The following CHIC1 variants were observed in gnomAD, a reference collection of about 807,000 sequenced individuals.
CHIC1 encodes cysteine-rich hydrophobic domain-containing protein 1.
A neutral mutation model predicts 18.5 loss-of-function variants in CHIC1; 7 were observed. The observed-to-expected ratio is 0.38, with a 90% CI of 0.22 to 0.71. CHIC1 has a LOEUF of 0.71. Ranked by LOEUF, CHIC1 falls within the 30% of genes least tolerant of loss-of-function variation. The pLI is 0.49. For synonymous variants in CHIC1, 77 were observed against 73.5 expected (o/e 1.05, Z -0.25); for missense variants, 159 against 176.9 (o/e 0.90, Z 0.57).
Position 73,580,395 on chromosome X carries a change from G to A in CHIC1, c.351+2934G>A, listed in dbSNP as rs181741784. On this transcript the variant is annotated intron_variant, in intron 2 of 5. Coordinates refer to ENST00000373502, the MANE Select transcript of CHIC1 (RefSeq NM_001039840.4). ...ATGTATAGTGTACAAAATCTATCAT[G>A]TGTTGGATAAGGCATAAATTATAAC... is the stretch of plus-strand genomic sequence containing the variant. Among the ~76,000 whole-genome samples the A allele has an allele frequency of 7.2e-4, 80 of 111,046 alleles. 1 individual carries two copies. The East Asian group carries it at 0.021, about 30-fold the overall frequency.
At chrX:73,582,534 A>G (rs1205653934) in intron 2 of CHIC1, among the ~76,000 whole-genome samples, 1 of 110,168 alleles carries the variant, frequency 9.1e-6, no homozygotes, top group Non-Finnish European at 1.9e-5. Context: ...GATTATAAAC[A>G]AATTATCCTT....
At chrX:73,577,998 G>A (rs1775127083) in intron 2 of CHIC1, among the ~76,000 whole-genome samples, 1 of 109,005 alleles carries the variant, frequency 9.2e-6, no homozygotes, top group African/African-American at 3.3e-5. Context: ...AGATTTACTA[G>A]GATTCAAAAC....
intron 3 of CHIC1, among the ~76,000 whole-genome samples, chrX:73,588,353 G>T (rs1369785919): frequency 9.0e-6 from 1 of 110,673 alleles, no homozygotes; most frequent in Non-Finnish European, 1.9e-5. Context: ...CATTTTATAT[G>T]ATATGTACTC....
At chrX:73,670,196 C>T (rs2059739653) in intron 3 of CHIC1, among the ~76,000 whole-genome samples, 1 of 110,964 alleles carries the variant, frequency 9.0e-6, no homozygotes, top group African/African-American at 3.3e-5. Flanking sequence ...CCCAGGTGGG[C>T]CATTGCCCCA....
chrX:73,603,922 T>C lies in CHIC1; in HGVS notation c.507+19350T>C, dbSNP rs900124715. ...GTTTGCCAGTATTTTATTGAGGATT[T>C]TCGCATCAATGTTCATCAGGTATAT... On this transcript the variant is annotated intron_variant, in intron 3 of 5. Coordinates refer to ENST00000373502, the MANE Select transcript of CHIC1 (RefSeq NM_001039840.4). 1.5e-4 allele frequency among the ~76,000 whole-genome samples: 16 copies of C among 109,133 alleles called. 2 individuals are homozygous for C. Among genetic ancestry groups the C allele is most frequent in the African/African-American group, 5.0e-4 (14 of 28,113 alleles). 94.8% of individuals were successfully genotyped at this position (109,133 alleles called of 115,157 possible). A position where few individuals can be genotyped will look rare whatever the true frequency, so the allele number is the denominator to read the frequency against.
intron 2 of CHIC1, among the ~76,000 whole-genome samples, chrX:73,578,283 G>T (rs764645531): frequency 2.2e-4 from 24 of 110,590 alleles, no homozygotes; most frequent in Non-Finnish European, 4.0e-4. Context: ...AACTTTCTGT[G>T]CCCAAAGGAG....
intron 3 of CHIC1, among the ~76,000 whole-genome samples, chrX:73,598,600 C>T (rs191378093): frequency 0.01 from 1,096 of 105,977 alleles, 6 homozygotes; most frequent in African/African-American, 0.033. Flanking sequence ...TTTGTTCTTG[C>T]GATAGTTTAC....
chrX:73,671,912 C>T (rs2058032840), intron 3 of CHIC1, among the ~76,000 whole-genome samples: 1 of 110,287 alleles, frequency 9.1e-6, no homozygotes, highest in South Asian at 3.9e-4. Flanking sequence ...TAATGCTATC[C>T]CTCCCCGCTC....
At chrX:73,663,891 T>C (rs901246239) in intron 3 of CHIC1, among the ~76,000 whole-genome samples, 2 of 111,598 alleles carry the variant, frequency 1.8e-5, no homozygotes, top group Non-Finnish European at 3.8e-5. Context: ...ACCTTGATAA[T>C]CACTACCCCG....
rs899745847 is a variant in CHIC1 at position 73,665,368 on chromosome X, A to T, written c.508-13958A>T. Reference sequence around the variant, plus strand: ...CTGGGACCCATTGCCCTTGTACATGATGTTCTTGAAGATTTCTCTTCACTT... The same window carrying T: ...CTGGGACCCATTGCCCTTGTACATGTTGTTCTTGAAGATTTCTCTTCACTT... On this transcript the variant is annotated intron_variant, in intron 3 of 5. Coordinates refer to ENST00000373502, the MANE Select transcript of CHIC1 (RefSeq NM_001039840.4). Among the ~76,000 whole-genome samples the T allele has an allele frequency of 2.7e-5, 3 of 110,787 alleles. No homozygotes were observed. The Admixed American group carries it at 2.9e-4, about 11-fold the overall frequency.
intron 2 of CHIC1, among the ~76,000 whole-genome samples, chrX:73,581,781 C>T (rs2057528695): frequency 9.1e-6 from 1 of 110,166 alleles, no homozygotes; most frequent in South Asian, 3.8e-4. Flanking sequence ...AAATTGAGAC[C>T]ATTATATGTT....
chrX:73,577,985 C>T, intron 2 of CHIC1, among the ~76,000 whole-genome samples: 2 of 109,002 alleles, frequency 1.8e-5, no homozygotes, highest in Middle Eastern at 4.7e-3. Context: ...CTAGTAAATT[C>T]AAAGATTTAC....
chrX:73,569,714 T>C (rs1308853508), intron 1 of CHIC1, among the ~76,000 whole-genome samples: 1 of 111,579 alleles, frequency 9.0e-6, no homozygotes, highest in Non-Finnish European at 1.9e-5. Context: ...AAGTGAAATG[T>C]ACCTAAAGTT....
Position 73,584,530 on chromosome X carries a change from A to T in CHIC1, c.465A>T (p.Thr155=). ...GTGGTTGTCTCTGCTGCTGTTGCAC[A>T]CTGGGTTGCAGCCTATGGCCTGTTA... ...LLCGCLCCCC[T]LGCSLWPVIC... The change falls in exon 3 of 6, where the codon ACA becomes ACT. Residue 155 remains threonine, a synonymous_variant. Coordinates refer to ENST00000373502, the MANE Select transcript of CHIC1 (RefSeq NM_001039840.4). 2 of 1,165,376 alleles carry T rather than the reference A, an allele frequency of 1.7e-6. No individual in the cohort carries two copies. Among genetic ancestry groups the T allele is most frequent in the Non-Finnish European group, 2.3e-6 (2 of 871,209 alleles).
intron 2 of CHIC1, among the ~76,000 whole-genome samples, chrX:73,580,357 T>TAGG (rs1603340227): frequency 9.0e-6 from 1 of 111,067 alleles, no homozygotes; most frequent in Admixed American, 9.6e-5. Flanking sequence ...ACTTGAGTAT[T>TAGG]TAAGTGTACA....
chrX:73,649,636 C>T (rs2057905961), intron 3 of CHIC1, among the ~76,000 whole-genome samples: 1 of 111,967 alleles, frequency 8.9e-6, no homozygotes, highest in Non-Finnish European at 1.9e-5. Flanking sequence ...ACAAGAAGAG[C>T]TAACTATCCT....
At chrX:73,641,490 C>A (rs755670462) in intron 3 of CHIC1, among the ~76,000 whole-genome samples, 8 of 111,025 alleles carry the variant, frequency 7.2e-5, no homozygotes, top group Non-Finnish European at 1.5e-4. Context: ...CCGTTCCACT[C>A]TCTACTTTTA....
At position 73,652,708 on chromosome X, in the gene CHIC1, A is replaced by C. The variant is rs148565371; in HGVS notation, c.508-26618A>C. On this transcript the variant is annotated intron_variant, in intron 3 of 5. Transcript: ENST00000373502. ...TCATCTCATGCCAGTCAGAATGGCA[A>C]TTATTAAAAAGTCAATAAACAACAG... is the stretch of plus-strand genomic sequence containing the variant. Among the ~76,000 whole-genome samples, 986 of 112,454 alleles carry C rather than the reference A, an allele frequency of 8.8e-3. 5 individuals are homozygous for C. The highest frequency in any genetic ancestry group is 0.015 in the Non-Finnish European group (795 of 53,281).
intron 1 of CHIC1, among the ~76,000 whole-genome samples, chrX:73,576,794 G>A (rs971510443): frequency 9.0e-6 from 1 of 110,873 alleles, no homozygotes; most frequent in African/African-American, 3.2e-5. Flanking sequence ...TCTTAATGCA[G>A]ATTTCACTGA....
Sources: gnomAD v4.1 joint callset for allele counts (sites outside exome capture counted in the v4.1 genomes callset) on GRCh38, gnomAD v4.1.1 for gene constraint, MANE v1.5 for transcripts, NCBI Gene and HGNC (gene_info 2026-07-23, HGNC 2026-07-21) for gene names.